Variants in DISC1 observed in about 807,000 individuals in gnomAD.
DISC1 encodes the protein disrupted in schizophrenia 1 protein.
A neutral mutation model predicts 84.5 loss-of-function variants in DISC1; 57 were observed. That is an observed-to-expected ratio of 0.67 (90% CI 0.55 to 0.84). The LOEUF (loss-of-function observed/expected upper bound fraction) is 0.84. DISC1 is among the 40% of genes least tolerant of loss of function. The pLI, the probability that DISC1 is intolerant of heterozygous loss-of-function variation, is 0.00. For missense variants in DISC1, 1,000 were observed against 1,057.8 expected, an observed-to-expected ratio of 0.95 and a Z score of 0.76; for synonymous variants, 411 against 415.2, an observed-to-expected ratio of 0.99 and a Z score of 0.12.
chr1:231,759,321 G>A (rs898153964), intron 4 of DISC1, among the ~76,000 whole-genome samples: 6 of 152,086 alleles, frequency 3.9e-5, no homozygotes, highest in African/African-American at 1.4e-4. Context: ...TACACTGTAT[G>A]AGACCAGAAA....
intron 9 of DISC1, among the ~76,000 whole-genome samples, chr1:231,894,422 T>C (rs979420143): frequency 6.6e-6 from 1 of 152,210 alleles, no homozygotes; most frequent in Non-Finnish European, 1.5e-5. Context: ...ACTATTCTAC[T>C]CTGGATTGTC....
At chr1:232,012,119 A>G (rs1007754956) in intron 11 of DISC1, among the ~76,000 whole-genome samples, 1 of 152,138 alleles carries the variant, frequency 6.6e-6, no homozygotes, top group Non-Finnish European at 1.5e-5. Context: ...GGCAGTCACA[A>G]GCATCTCTAA....
intron 4 of DISC1, among the ~76,000 whole-genome samples, chr1:231,760,520 C>T (rs1438796347): frequency 1.3e-5 from 2 of 152,156 alleles, no homozygotes; most frequent in Admixed American, 6.5e-5. Context: ...TCCCTCAGGA[C>T]CGCATTTTTC....
chr1:231,895,038 G>A (rs926875175), intron 9 of DISC1, among the ~76,000 whole-genome samples: 7 of 150,708 alleles, frequency 4.6e-5, no homozygotes. Flanking sequence ...GAATAGGTTT[G>A]ACTTTAAATC....
chr1:231,671,376 A>T (rs1161927314), intron 1 of DISC1, among the ~76,000 whole-genome samples: 2 of 151,880 alleles, frequency 1.3e-5, no homozygotes, highest in Non-Finnish European at 2.9e-5. Flanking sequence ...TTTCAGCTGT[A>T]ACTGTGCCTC....
intron 8 of DISC1, among the ~76,000 whole-genome samples, chr1:231,800,605 C>T (rs2125644046): frequency 6.6e-6 from 1 of 152,198 alleles, no homozygotes; most frequent in Non-Finnish European, 1.5e-5. Flanking sequence ...GTCATAGAAA[C>T]TTGGCGAATC....
intron 9 of DISC1, among the ~76,000 whole-genome samples, chr1:231,890,926 C>T (rs1475974245): frequency 6.6e-6 from 1 of 152,102 alleles, no homozygotes; most frequent in African/African-American, 2.4e-5. Flanking sequence ...ATGCTATGCT[C>T]ACATTTTCCT....
intron 9 of DISC1, among the ~76,000 whole-genome samples, chr1:231,927,884 A>G (rs981707018): frequency 6.6e-6 from 1 of 152,106 alleles, no homozygotes; most frequent in Non-Finnish European, 1.5e-5. Flanking sequence ...TTGTCTCACC[A>G]CAAGTTGATG....
intron 11 of DISC1, among the ~76,000 whole-genome samples, chr1:232,012,086 C>T (rs1668068875): frequency 6.6e-6 from 1 of 152,168 alleles, no homozygotes; most frequent in African/African-American, 2.4e-5. Flanking sequence ...TTTGTGTTAA[C>T]TTTTGTTTCT....
intron 9 of DISC1, among the ~76,000 whole-genome samples, chr1:231,829,845 G>A (rs566824407): frequency 6.8e-6 from 1 of 147,710 alleles, no homozygotes; most frequent in African/African-American, 2.5e-5. Context: ...TCAAAGGGGG[G>A]TTGTTCTCTG....
chr1:232,009,260 T>G lies in DISC1; in HGVS notation c.2307+211T>G. The stretch of plus-strand genomic sequence containing the variant: ...TAGAAGAGCAAAAAAACCCAACTTT[T>G]GGCATATTTAGTTCCATTTTCATTC... On this transcript the variant is annotated intron_variant, in intron 11 of 12. Coordinates refer to ENST00000439617, the MANE Select transcript of DISC1 (RefSeq NM_018662.3). The surrounding 1 kb of genome is among the most constrained non-coding windows in gnomAD (Gnocchi z 4.6). The G allele has an allele frequency of 7.3e-7, 1 of 1,370,964 alleles. No individual in the cohort carries two copies. The highest frequency in any genetic ancestry group is 9.4e-7 in the Non-Finnish European group (1 of 1,063,408). The allele number at this position is 1,370,964 out of a possible 1,614,324, so 84.9% of individuals were successfully genotyped here.
chr1:231,647,596 A>G lies in DISC1; in HGVS notation c.67+20662A>G, dbSNP rs368807151. Among the ~76,000 whole-genome samples the G allele has an allele frequency of 5.3e-5, 8 of 152,194 alleles. No individual in the cohort carries two copies. The East Asian group carries it at 9.6e-4, about 18-fold the overall frequency. On this transcript the variant is annotated intron_variant, in intron 1 of 12. Transcript: ENST00000439617. ...AGTAGTTTTTTCCAATTCTGTGAAG[A>G]AAGTCATTGGTAGCTTGATGGGGAT...
intron 1 of DISC1, among the ~76,000 whole-genome samples, chr1:231,671,577 T>C (rs2062622004): frequency 6.6e-6 from 1 of 152,210 alleles, no homozygotes; most frequent in East Asian, 1.9e-4. Context: ...TCCATTCTCC[T>C]GAGTAAAGGA....
At chr1:231,691,916 C>T (rs955392912) in intron 1 of DISC1, among the ~76,000 whole-genome samples, 2 of 152,190 alleles carry the variant, frequency 1.3e-5, no homozygotes, top group Non-Finnish European at 2.9e-5. Context: ...CTGTACATCT[C>T]ATCACATCCT....
rs540908873 is a variant in DISC1 at position 231,769,675 on chromosome 1, T to C, written c.1399-1160T>C. ...CAGTTTTGCAAGATGAAAAGAGTTC[T>C]GTGGATGGATGGCAGTGATGGTTGT... On this transcript the variant is annotated intron_variant, in intron 5 of 12. Transcript: ENST00000439617. 4.6e-5 allele frequency among the ~76,000 whole-genome samples: 7 copies of C among 152,292 alleles called. No individual in the cohort carries two copies. In the South Asian group the frequency reaches 1.5e-3, roughly 32 times the overall value.
At chr1:231,941,881 G>A (rs1476420360) in intron 9 of DISC1, among the ~76,000 whole-genome samples, 2 of 152,240 alleles carry the variant, frequency 1.3e-5, no homozygotes, top group African/African-American at 4.8e-5. Context: ...TATCAGGGTG[G>A]CAGCCAGCCA....
At chr1:231,992,784 AT>A (rs1558815950) in intron 10 of DISC1, among the ~76,000 whole-genome samples, 1 of 152,210 alleles carries the variant, frequency 6.6e-6, no homozygotes, top group Admixed American at 6.5e-5. Context: ...TTTAAACTTA[AT>A]TTTTTTGTGC....
intron 1 of DISC1, among the ~76,000 whole-genome samples, chr1:231,668,351 T>A (rs1417185053): frequency 6.6e-6 from 1 of 152,192 alleles, no homozygotes; most frequent in African/African-American, 2.4e-5. Flanking sequence ...GCTTTAGATA[T>A]TATAACATGT....
intron 3 of DISC1, among the ~76,000 whole-genome samples, chr1:231,707,078 A>G: frequency 6.6e-6 from 1 of 152,214 alleles, no homozygotes; most frequent in Non-Finnish European, 1.5e-5. Context: ...TAGAAAGAAG[A>G]AAACAAGATT....
Sources: allele counts gnomAD v4.1 joint callset (sites outside exome capture counted in the v4.1 genomes callset), GRCh38; gene constraint gnomAD v4.1.1; non-coding constraint Gnocchi (gnomAD v3.1); transcripts MANE v1.5; gene names NCBI Gene and HGNC (gene_info 2026-07-23, HGNC 2026-07-21).